Variants in INPP4B observed in about 807,000 individuals in gnomAD.
INPP4B encodes the protein inositol polyphosphate-4-phosphatase type II B.
A neutral mutation model predicts 122.5 loss-of-function variants in INPP4B; 55 were observed. That is an observed-to-expected ratio of 0.45 (90% CI 0.36 to 0.56). INPP4B has a LOEUF of 0.56. INPP4B is among the 20% of genes least tolerant of loss of function. The pLI, the probability that INPP4B is intolerant of heterozygous loss-of-function variation, is 0.00. For missense variants in INPP4B, 1,000 were observed against 1,097.7 expected, an observed-to-expected ratio of 0.91 and a Z score of 1.26; for synonymous variants, 403 against 388.7, an observed-to-expected ratio of 1.04 and a Z score of -0.43.
At chr4:142,663,019 T>A (rs1030054258) in intron 2 of INPP4B, among the ~76,000 whole-genome samples, 3 of 152,178 alleles carry the variant, frequency 2.0e-5, no homozygotes, top group Non-Finnish European at 4.4e-5. Context: ...TAAAAGTTAC[T>A]GGAACAAGTT....
chr4:142,390,922 G>A (rs1251524636), intron 7 of INPP4B, among the ~76,000 whole-genome samples: 3 of 152,050 alleles, frequency 2.0e-5, no homozygotes, highest in Non-Finnish European at 4.4e-5. Context: ...ATGAAAGAAT[G>A]GAAAGGACCC....
chr4:142,116,891 T>TC (rs1255612495), intron 21 of INPP4B, among the ~76,000 whole-genome samples: 1 of 151,792 alleles, frequency 6.6e-6, no homozygotes, highest in Non-Finnish European at 1.5e-5. Context: ...TTTGAAAAGA[T>TC]CAACAATATT....
At position 142,427,396 on chromosome 4, in the gene INPP4B, G is replaced by T. The variant is rs10016876; in HGVS notation, c.136+1777C>A. On this transcript the variant is annotated intron_variant, in intron 5 of 25. Coordinates refer to ENST00000262992, the MANE Select transcript of INPP4B (RefSeq NM_001101669.3). ...TATTTTAAAAATATATATAAAAAAA[G>T]AAATTGAAGTTTTTTATACTGGTAG... The T allele has an allele frequency of 1.8e-5, 9 of 487,804 alleles. 1 individual carries two copies. Among genetic ancestry groups the T allele is most frequent in the Admixed American group, 3.8e-5 (1 of 26,524 alleles). 30.2% of individuals were successfully genotyped at this position (487,804 alleles called of 1,614,324 possible).
chr4:142,819,612 T>G (rs1780556464), intron 1 of INPP4B, among the ~76,000 whole-genome samples: 1 of 152,150 alleles, frequency 6.6e-6, no homozygotes, highest in South Asian at 2.1e-4. Context: ...CTGCATTCCT[T>G]TTCTCTCTGG....
At chr4:142,650,518 G>A (rs1752708638) in intron 2 of INPP4B, among the ~76,000 whole-genome samples, 1 of 151,630 alleles carries the variant, frequency 6.6e-6, no homozygotes, top group Non-Finnish European at 1.5e-5. Context: ...AGGGATAAAG[G>A]AAGATCTACC....
chr4:142,727,229 G>A (rs1319486119), intron 1 of INPP4B, among the ~76,000 whole-genome samples: 1 of 152,146 alleles, frequency 6.6e-6, no homozygotes, highest in Non-Finnish European at 1.5e-5. Flanking sequence ...CGACTGCAGT[G>A]GTTCCCCTTG....
intron 2 of INPP4B, among the ~76,000 whole-genome samples, chr4:142,698,703 C>T (rs924563932): frequency 6.6e-6 from 1 of 152,160 alleles, no homozygotes; most frequent in Admixed American, 6.5e-5. Context: ...CTTCCTCATA[C>T]CAGACTTGGT....
In INPP4B at chr4:142,431,151, G is replaced by A. The variant is rs777470855; in HGVS notation, c.91+18C>T. 3.8e-6 allele frequency: 6 copies of A among 1,588,540 alleles called. No individual in the cohort carries two copies. The highest frequency in any genetic ancestry group is 1.7e-5 in the Admixed American group (1 of 59,632). On this transcript the variant is annotated intron_variant, in intron 4 of 25. Transcript: ENST00000262992. ...CATCTTTAGATGCAAAAACAGGGAG[G>A]GATACACACATACTTACTTGTGAAC...
At chr4:142,321,181 T>A (rs556836601) in intron 7 of INPP4B, among the ~76,000 whole-genome samples, 3 of 152,208 alleles carry the variant, frequency 2.0e-5, no homozygotes, top group Non-Finnish European at 4.4e-5. Flanking sequence ...TAAGGTGACA[T>A]CACATTGTAG....
intron 5 of INPP4B, among the ~76,000 whole-genome samples, chr4:142,410,903 A>G (rs1804475928): frequency 6.6e-6 from 1 of 152,164 alleles, no homozygotes; most frequent in Non-Finnish European, 1.5e-5. Context: ...GATATTCCAG[A>G]TTGGTCCTAA....
chr4:142,721,117 G>T (rs185902250), intron 2 of INPP4B, among the ~76,000 whole-genome samples: 25 of 151,750 alleles, frequency 1.6e-4, no homozygotes, highest in Admixed American at 2.6e-4. Context: ...ATAAAAATGA[G>T]CAGATCTGCT....
intron 9 of INPP4B, chr4:142,287,553 C>G (rs530910350): frequency 6.6e-6 from 1 of 152,306 alleles, no homozygotes; most frequent in Admixed American, 6.5e-5. Flanking sequence ...AATTTACCCT[C>G]TGCCTTCTTC....
chr4:142,340,622 A>G (rs948281225), intron 7 of INPP4B, among the ~76,000 whole-genome samples: 2 of 152,142 alleles, frequency 1.3e-5, no homozygotes, highest in African/African-American at 4.8e-5. Context: ...TATGTCGCCC[A>G]GGCTGGTCTT....
chr4:142,617,772 T>C (rs1350640347), intron 2 of INPP4B, among the ~76,000 whole-genome samples: 2 of 152,034 alleles, frequency 1.3e-5, no homozygotes, highest in African/African-American at 2.4e-5. Flanking sequence ...ATAAATCCTA[T>C]AGAAAACCCT....
At chr4:142,439,028 G>C (rs1229471750) in intron 3 of INPP4B, among the ~76,000 whole-genome samples, 3 of 152,196 alleles carry the variant, frequency 2.0e-5, no homozygotes, top group Admixed American at 1.3e-4. Context: ...GCACCACTCA[G>C]ATGTCTCATC....
At position 142,359,230 on chromosome 4, in the gene INPP4B, A is replaced by C. The variant is rs916956565; in HGVS notation, c.372+43708T>G. On this transcript the variant is annotated intron_variant, in intron 7 of 25. Coordinates refer to ENST00000262992, the MANE Select transcript of INPP4B (RefSeq NM_001101669.3). ...GCAAAAAACAAACAAACAAACAAAA[A>C]AAAAAAACAGGCTCTGGAGCCAAAC... Among the ~76,000 whole-genome samples the C allele has an allele frequency of 3.4e-4, 51 of 152,036 alleles. 1 individual carries two copies. The East Asian group carries it at 5.8e-3, about 17-fold the overall frequency.
rs867482455 is a variant in INPP4B at position 142,237,067 on chromosome 4, C to A, written c.836+797G>T. On this transcript the variant is annotated intron_variant, in intron 12 of 25. Transcript: ENST00000262992. Reference sequence around the variant, plus strand: ...ATGGTCCAGAGATACTCTTATCAACCAATCAGCTCTCAAATCCTTCTACCT... The same window carrying A: ...ATGGTCCAGAGATACTCTTATCAACAAATCAGCTCTCAAATCCTTCTACCT... Among the ~76,000 whole-genome samples the A allele has an allele frequency of 2.0e-5, 3 of 152,242 alleles. No homozygotes were observed. The South Asian group carries it at 6.2e-4, about 32-fold the overall frequency.
chr4:142,618,998 C>T (rs115177731), intron 2 of INPP4B, among the ~76,000 whole-genome samples: 1,730 of 152,060 alleles, frequency 0.011, 31 homozygotes, highest in African/African-American at 0.039. Flanking sequence ...TGCCCAACAT[C>T]ACTCATCACC....
chr4:142,085,098 T>C (rs536442240), intron 24 of INPP4B, among the ~76,000 whole-genome samples: 1 of 152,338 alleles, frequency 6.6e-6, no homozygotes, highest in East Asian at 1.9e-4. Flanking sequence ...TTCATATTGT[T>C]ACCTTTGATG....
Sources: gnomAD v4.1 joint callset for allele counts (sites outside exome capture counted in the v4.1 genomes callset) on GRCh38, gnomAD v4.1.1 for gene constraint, MANE v1.5 for transcripts, NCBI Gene and HGNC (gene_info 2026-07-23, HGNC 2026-07-21) for gene names.